The following PREX1 variants were observed in gnomAD, a reference collection of about 807,000 sequenced individuals.
PREX1 encodes the protein phosphatidylinositol 3,4,5-trisphosphate-dependent Rac exchanger 1 protein.
In PREX1, 41 loss-of-function variants were observed where a neutral mutation model predicts 198.3. That is an observed-to-expected ratio of 0.21 (90% CI 0.16 to 0.27). The LOEUF is 0.27. Among genes scored for constraint, PREX1 ranks in the 10% least tolerant of loss-of-function variants. The pLI is 1.00. For missense variants in PREX1, 1,620 were observed against 2,200.7 expected (o/e 0.74, Z 5.28); for synonymous variants, 843 against 887.2 (o/e 0.95, Z 0.89).
intron 6 of PREX1, among the ~76,000 whole-genome samples, chr20:48,702,914 C>G (rs1302876868): frequency 6.6e-6 from 1 of 152,226 alleles, no homozygotes; most frequent in Non-Finnish European, 1.5e-5. Context: ...AAGGGAGTTT[C>G]ACGTGACAGA....
chr20:48,629,183 G>A (rs4426577), intron 37 of PREX1, among the ~76,000 whole-genome samples: 12,925 of 152,260 alleles, frequency 0.085, 626 homozygotes, highest in South Asian at 0.15. Context: ...GGAGGCTTCC[G>A]GCGGAACTAC....
chr20:48,776,829 A>G (rs2090264548), intron 1 of PREX1, among the ~76,000 whole-genome samples: 1 of 152,134 alleles, frequency 6.6e-6, no homozygotes, highest in African/African-American at 2.4e-5. Flanking sequence ...TGTGCTACGT[A>G]TTTCTCCTAA....
chr20:48,662,400 C>G (rs6122709), intron 15 of PREX1, among the ~76,000 whole-genome samples: 1 of 152,154 alleles, frequency 6.6e-6, no homozygotes, highest in African/African-American at 2.4e-5. Context: ...GCTGCTGGTC[C>G]GGCTTTATAG....
rs567966474 is a variant in PREX1, at chr20:48,682,549, T to C, written c.1335-1214A>G. On this transcript the variant is annotated intron_variant, in intron 10 of 39. Transcript: ENST00000371941. ...CAGAGCAGGGCTCAATGATCATTTA[T>C]GGAACAAATGAAGTAATGAACCATC... Among the ~76,000 whole-genome samples, 75 of 152,300 alleles carry C rather than the reference T, an allele frequency of 4.9e-4. 2 individuals are homozygous for C. The highest frequency in any genetic ancestry group is 2.5e-3 in the South Asian group (12 of 4,820).
At chr20:48,672,411 C>T (rs909476239) in intron 14 of PREX1, among the ~76,000 whole-genome samples, 1 of 152,246 alleles carries the variant, frequency 6.6e-6, no homozygotes, top group Non-Finnish European at 1.5e-5. Flanking sequence ...GGAATTCTAG[C>T]GTTGCCTCCT....
chr20:48,763,502 C>A (rs778471897), intron 1 of PREX1, among the ~76,000 whole-genome samples: 2 of 152,346 alleles, frequency 1.3e-5, no homozygotes, highest in South Asian at 4.1e-4. Flanking sequence ...GGTCTCCTCT[C>A]TGTGGGGCTG....
intron 1 of PREX1, among the ~76,000 whole-genome samples, chr20:48,782,432 G>C (rs1213014939): frequency 6.6e-6 from 1 of 152,150 alleles, no homozygotes; most frequent in African/African-American, 2.4e-5. Flanking sequence ...CCAGCCACGT[G>C]AAACTGTGAG....
intron 4 of PREX1, among the ~76,000 whole-genome samples, chr20:48,729,699 T>C (rs559440272): frequency 5.7e-4 from 87 of 152,274 alleles, no homozygotes; most frequent in African/African-American, 2.0e-3. Context: ...TCATGCTCTA[T>C]GTGAATCCAA....
intron 1 of PREX1, among the ~76,000 whole-genome samples, chr20:48,763,902 C>T (rs1481019279): frequency 1.3e-5 from 2 of 152,170 alleles, no homozygotes. Flanking sequence ...ATGCTTCCCA[C>T]GATTGCCTCA....
rs2089297789 is a variant in PREX1 at position 48,629,561 on chromosome 20, G to A, written c.4654C>T (p.Pro1552Ser). Residue 1552 changes from proline (P) to serine (S), a missense_variant, in exon 37 of 40, where the codon CCA becomes TCA. By Grantham distance (74) the Pro-to-Ser change is moderately conservative (BLOSUM62 -1). Around this residue, in one of 7 missense-constraint regions of PREX1, gnomAD observed 476 missense variants for 603.4 expected, o/e 0.79. Transcript: ENST00000371941. ...ACACTCCCAGCAGCACCAGGCTTTG[G>A]GTGGACAAAGGACTTCATGAGGCGG... ...LCRLMKSFVHPKPGAAGSVGA... is the reference protein window; with the variant it reads ...LCRLMKSFVHSKPGAAGSVGA... 1 of 1,614,034 alleles carries A rather than the reference G, an allele frequency of 6.2e-7. No individual in the cohort carries two copies. Among genetic ancestry groups the A allele is most frequent in the South Asian group, 1.1e-5 (1 of 91,090 alleles).
intron 1 of PREX1, among the ~76,000 whole-genome samples, chr20:48,795,025 T>A (rs1019942367): frequency 1.3e-5 from 2 of 152,206 alleles, no homozygotes; most frequent in East Asian, 3.8e-4. Flanking sequence ...GTGACATTGT[T>A]AATGTAATTC....
intron 1 of PREX1, among the ~76,000 whole-genome samples, chr20:48,784,836 A>G (rs2090304716): frequency 6.6e-6 from 1 of 152,202 alleles, no homozygotes; most frequent in South Asian, 2.1e-4. Flanking sequence ...TGTAGCCAGC[A>G]GACCCTCCCT....
At chr20:48,799,958 G>A (rs544233753) in intron 1 of PREX1, among the ~76,000 whole-genome samples, 1 of 152,330 alleles carries the variant, frequency 6.6e-6, no homozygotes, top group East Asian at 1.9e-4. Flanking sequence ...GGGCCTTGGG[G>A]GACTTTGATG....
intron 21 of PREX1, among the ~76,000 whole-genome samples, chr20:48,651,869 G>C (rs1361402286): frequency 6.6e-6 from 1 of 152,236 alleles, no homozygotes; most frequent in Non-Finnish European, 1.5e-5. Flanking sequence ...CCTTGGAGGA[G>C]AGGAAGTCAG....
In PREX1 at chr20:48,629,939, C is replaced by T. The variant is rs56295330; in HGVS notation, c.4594-318G>A. Among the ~76,000 whole-genome samples the T allele has an allele frequency of 4.6e-3, 707 of 152,294 alleles. 1 individual carries two copies. The highest frequency in any genetic ancestry group is 7.3e-3 in the Non-Finnish European group (495 of 68,018). ...CCTGAAGAAAGTGCCCTCTCCCAGC[C>T]TGTCAAGACCAACACAAGCGCCCCC... On this transcript the variant is annotated intron_variant, in intron 36 of 39. Transcript: ENST00000371941.
intron 29 of PREX1, chr20:48,641,963 A>C (rs1371690745): frequency 1.0e-5 from 5 of 477,162 alleles, no homozygotes; most frequent in Non-Finnish European, 1.1e-5. Context: ...AGGTCAAAAG[A>C]AAAAGAAAAA....
intron 9 of PREX1, among the ~76,000 whole-genome samples, chr20:48,689,367 G>A (rs2123041083): frequency 6.6e-6 from 1 of 152,232 alleles, no homozygotes; most frequent in East Asian, 1.9e-4. Context: ...CAATAATAAG[G>A]TGCCATAATT....
the PREX1 span, among the ~76,000 whole-genome samples, chr20:48,860,959 T>A: frequency 6.6e-4 from 101 of 151,960 alleles, 2 homozygotes; most frequent in South Asian, 0.015. Context: ...AGTCAAACCA[T>A]GTCTCTACAA....
chr20:48,690,872 A>C, intron 9 of PREX1, 75 bp downstream of exon 9: 1 of 1,594,806 alleles, frequency 6.3e-7, no homozygotes, highest in South Asian at 1.1e-5. Flanking sequence ...CCCCTTCCCT[A>C]GACACAGCCC....
Sources: gnomAD v4.1 joint callset for allele counts (sites outside exome capture counted in the v4.1 genomes callset) on GRCh38, gnomAD v4.1.1 for gene constraint, gnomAD v4.1.1 regional missense constraint, MANE v1.5 for transcripts, NCBI Gene and HGNC (gene_info 2026-07-23, HGNC 2026-07-21) for gene names.